NEK4: variants seen among roughly 807,000 people sequenced by gnomAD.
The protein encoded by NEK4 is serine/threonine-protein kinase Nek4.
NEK4 carries 86 observed loss-of-function variants against 98.4 expected under a neutral mutation model. The observed-to-expected ratio is 0.87, with a 90% CI of 0.73 to 1.05. NEK4 has a LOEUF of 1.05. Ranked by LOEUF, NEK4 falls within the 50% of genes least tolerant of loss-of-function variation. The probability of loss-of-function intolerance (pLI) is 0.00; values close to 1 mark genes in which losing one functional copy is unlikely to be tolerated. For missense variants in NEK4, 898 were observed against 950.3 expected (o/e 0.94, Z 0.72); for synonymous variants, 328 against 342.2 (o/e 0.96, Z 0.46).
intron 13 of NEK4, among the ~76,000 whole-genome samples, 175 bp downstream of exon 13, chr3:52,741,236 C>CAAAAAA (rs35123782): frequency 2.9e-4 from 17 of 59,554 alleles, no homozygotes; most frequent in Admixed American, 5.6e-4. Context: ...AACTCCGTCT[C>CAAAAAA]AAAAAAAAAA....
intron 7 of NEK4, 45 bp downstream of exon 7, chr3:52,751,887 A>C: frequency 6.5e-7 from 1 of 1,543,064 alleles, no homozygotes. Flanking sequence ...CTGCACTTTC[A>C]GTCTTCTCTC....
chr3:52,741,440 A>G lies in NEK4; in HGVS notation c.2064T>C (p.Thr688=). 5 of 1,609,084 alleles carry G rather than the reference A, an allele frequency of 3.1e-6. No homozygotes were observed. The highest frequency in any genetic ancestry group is 4.3e-6 in the Non-Finnish European group (5 of 1,175,466). The stretch of plus-strand genomic sequence containing the variant: ...CCCCGTAATCCCCATCTGACTTATC[A>G]GTTGAACTTGTAGAAGAACTTAACT... ...EDELSSSTSS[T]DKSDGDYGEG... The change falls in exon 13 of 16, where the codon ACT becomes ACC. Residue 688 remains threonine (T), a synonymous_variant. Coordinates refer to ENST00000233027, the MANE Select transcript of NEK4 (RefSeq NM_003157.6).
rs747310804 is a variant in NEK4, at chr3:52,737,593, T to C, written c.2426A>G (p.Asp809Gly). 3.1e-6 allele frequency: 5 copies of C among 1,613,988 alleles called. No individual in the cohort carries two copies. In the South Asian group the frequency reaches 5.5e-5, roughly 18 times the overall value. ...YDLLEEEDEF[D>G]REVRLREHMG... ...AGTTAATGAGACACTCACCTCTCTA[T>C]CAAATTCATCCTCCTCCTCCAAAAG... is the stretch of plus-strand genomic sequence containing the variant. The change falls in exon 15 of 16, where the codon GAT becomes GGT. Residue 809 changes from aspartate (D) to glycine (G), a missense_variant. By Grantham distance (94) the Asp-to-Gly change is moderately conservative. Transcript: ENST00000233027.
intron 10 of NEK4, among the ~76,000 whole-genome samples, chr3:52,745,552 C>T (rs1348726129): frequency 2.0e-5 from 3 of 151,312 alleles, no homozygotes; most frequent in Non-Finnish European, 2.9e-5. Flanking sequence ...GCACTCCAGC[C>T]TGGGCAACAG....
At chr3:52,724,209 G>C (rs1052789324) in intron 15 of NEK4, among the ~76,000 whole-genome samples, 6 of 141,458 alleles carry the variant, frequency 4.2e-5, no homozygotes, top group African/African-American at 1.1e-4. Context: ...CTCCACCCTG[G>C]GGACAGTGAG....
intron 8 of NEK4, among the ~76,000 whole-genome samples, chr3:52,749,289 T>C (rs2097401214): frequency 6.6e-6 from 1 of 151,540 alleles, no homozygotes; most frequent in African/African-American, 2.4e-5. Flanking sequence ...CGTGCCACCA[T>C]GCCCAGCTAA....
chr3:52,714,172 A>G (rs1381770276), intron 15 of NEK4, among the ~76,000 whole-genome samples: 3 of 152,280 alleles, frequency 2.0e-5, no homozygotes, highest in East Asian at 3.9e-4. Flanking sequence ...TGAGGCAGAG[A>G]CTGCAGTGAG....
chr3:52,714,069 T>C (rs2097352855), intron 15 of NEK4, among the ~76,000 whole-genome samples: 1 of 152,074 alleles, frequency 6.6e-6, no homozygotes, highest in Admixed American at 6.5e-5. Flanking sequence ...ACTTTGTCTC[T>C]ACAAAGACTA....
chr3:52,752,085 T>C lies in NEK4; in HGVS notation c.1215A>G (p.Gln405=), dbSNP rs1483215361. ...NELGGICSIS[Q]VEEEMLQDNT... ...TGTCCTGCAGCATCTCCTCTTCCAC[T>C]TGAGAAATACTGCATATACCTCCTA... Residue 405 remains glutamine (Q), a synonymous_variant, in exon 7 of 16, where the codon CAA becomes CAG. Transcript: ENST00000233027. The C allele has an allele frequency of 1.2e-6, 2 of 1,614,226 alleles. No homozygotes were observed.
intron 1 of NEK4, among the ~76,000 whole-genome samples, chr3:52,768,969 C>T (rs1204992177): frequency 6.6e-6 from 1 of 152,146 alleles, no homozygotes; most frequent in East Asian, 1.9e-4. Flanking sequence ...CCTGTAATCC[C>T]AGCACTTTGG....
chr3:52,750,564 G>A (rs1440083773), intron 7 of NEK4, among the ~76,000 whole-genome samples: 1 of 152,014 alleles, frequency 6.6e-6, no homozygotes, highest in Admixed American at 6.6e-5. Context: ...ATACATATAT[G>A]TGTGTGTATA....
In NEK4 at chr3:52,770,866, G is replaced by C. The variant is rs2154107628; in HGVS notation, c.-120C>G. On this transcript the variant is annotated 5_prime_UTR_variant, in exon 1 of 16. Transcript: ENST00000233027. The stretch of plus-strand genomic sequence containing the variant: ...AGTGGGGGCGGCTGTTGAGGCAGCC[G>C]GGCCCGGGCGGGATTGCTGGGGCCC... 1.2e-6 allele frequency: 1 copy of C among 841,412 alleles called. No individual in the cohort carries two copies. The highest frequency in any genetic ancestry group is 1.6e-5 in the South Asian group (1 of 64,344). 52.1% of individuals were successfully genotyped at this position (841,412 alleles called of 1,614,324 possible). A position where few individuals can be genotyped will look rare whatever the true frequency, so the allele number is the denominator to read the frequency against.
chr3:52,716,014 G>A (rs1052579242), intron 15 of NEK4, among the ~76,000 whole-genome samples: 1 of 152,186 alleles, frequency 6.6e-6, no homozygotes, highest in African/African-American at 2.4e-5. Flanking sequence ...TGCTTGAGGT[G>A]CACCTGGTCT....
intron 12 of NEK4, among the ~76,000 whole-genome samples, chr3:52,742,770 T>G (rs552120534): frequency 6.6e-6 from 1 of 152,214 alleles, no homozygotes; most frequent in African/African-American, 2.4e-5. Context: ...CTTAGAAAGT[T>G]CTGTTATTTA....
At chr3:52,738,340 C>T (rs576850343) in intron 14 of NEK4, among the ~76,000 whole-genome samples, 118 of 151,456 alleles carry the variant, frequency 7.8e-4, no homozygotes, top group African/African-American at 2.6e-3. Flanking sequence ...TGGCCTCAAG[C>T]AATCCTCCCA....
intron 13 of NEK4, 24 bp from the exon 14 acceptor site, chr3:52,739,658 G>A (rs1381019131): frequency 6.3e-7 from 1 of 1,576,644 alleles, no homozygotes. Flanking sequence ...ATATCCCTTT[G>A]TTATTTAATT....
At chr3:52,752,573 A>G (rs1288464416) in intron 6 of NEK4, among the ~76,000 whole-genome samples, 2 of 152,028 alleles carry the variant, frequency 1.3e-5, no homozygotes, top group Non-Finnish European at 2.9e-5. Flanking sequence ...AAACAACCCA[A>G]AAGTCCATCA....
At chr3:52,758,505 A>G (rs1351321118) in intron 6 of NEK4, among the ~76,000 whole-genome samples, 1 of 152,160 alleles carries the variant, frequency 6.6e-6, no homozygotes, top group Non-Finnish European at 1.5e-5. Context: ...AAACTATGGC[A>G]TAAACCTTCA....
Position 52,752,156 on chromosome 3 carries a change from A to G in NEK4, c.1144T>C (p.Phe382Leu), listed in dbSNP as rs2097406313. 1 of 1,614,094 alleles carries G rather than the reference A, an allele frequency of 6.2e-7. No individual in the cohort carries two copies. The highest frequency in any genetic ancestry group is 1.1e-5 in the South Asian group (1 of 91,086). Residue 382 changes from phenylalanine (F) to leucine (L), a missense_variant, in exon 7 of 16, where the codon TTT becomes CTT. Phe to Leu is a conservative substitution (Grantham distance 22). Coordinates refer to ENST00000233027, the MANE Select transcript of NEK4 (RefSeq NM_003157.6). The stretch of plus-strand genomic sequence containing the variant: ...TATCTTGGCTGATTCTCCTGAACAA[A>G]GCCATCACTCACTGAATCCCTCCCT... ...AKGRDSVSDGFVQENQPRYLD... is the reference protein window; with the variant it reads ...AKGRDSVSDGLVQENQPRYLD...
Sources: gnomAD v4.1 joint callset for allele counts (sites outside exome capture counted in the v4.1 genomes callset) on GRCh38, gnomAD v4.1.1 for gene constraint, MANE v1.5 for transcripts, NCBI Gene and HGNC (gene_info 2026-07-23, HGNC 2026-07-21) for gene names.